Variants in SHISA6 observed in about 807,000 individuals in gnomAD.
The protein encoded by SHISA6 is protein shisa-6.
Under a neutral mutation model 47.9 loss-of-function variants are expected in SHISA6, and 22 were observed. The observed-to-expected ratio is 0.46, with a 90% CI of 0.33 to 0.66. The LOEUF (loss-of-function observed/expected upper bound fraction) is 0.66. Among genes scored for constraint, SHISA6 ranks in the 30% least tolerant of loss-of-function variants. SHISA6 has a pLI of 0.02. For missense variants in SHISA6, 680 were observed against 764.6 expected, an observed-to-expected ratio of 0.89 and a Z score of 1.30; for synonymous variants, 388 against 337.8, an observed-to-expected ratio of 1.15 and a Z score of -1.63.
At chr17:11,485,776 A>T (rs1302666502) in intron 3 of SHISA6, among the ~76,000 whole-genome samples, 4 of 149,838 alleles carry the variant, frequency 2.7e-5, no homozygotes, top group East Asian at 2.0e-4. Context: ...TTTTTTTTTT[A>T]AATCACTCCT....
At chr17:11,552,100 AG>A (rs1440027423) in intron 4 of SHISA6, 148 bp downstream of exon 4, 4 of 758,608 alleles carry the variant, frequency 5.3e-6, no homozygotes, top group Admixed American at 2.5e-5. Context: ...GCCCTCCTCC[AG>A]GGCCACAATG....
chr17:11,506,253 T>C, intron 3 of SHISA6, among the ~76,000 whole-genome samples: 1 of 152,198 alleles, frequency 6.6e-6, no homozygotes, highest in Non-Finnish European at 1.5e-5. Flanking sequence ...CCTGCATCTC[T>C]TCTTCTTTTG....
Position 11,555,785 on chromosome 17 carries a change from A to G in SHISA6, c.998A>G (p.Tyr333Cys), listed in dbSNP as rs1219730038. 3 of 1,551,588 alleles carry G rather than the reference A, an allele frequency of 1.9e-6. No individual in the cohort carries two copies. The highest frequency in any genetic ancestry group is 2.4e-5 in the South Asian group (2 of 83,972). The change falls in exon 5 of 6, where the codon TAT becomes TGT. Residue 333 changes from tyrosine (Y) to cysteine (C), a missense_variant. By Grantham distance (194) the Tyr-to-Cys change is radical. Coordinates refer to ENST00000441885, the MANE Select transcript of SHISA6 (RefSeq NM_207386.4). Reference sequence around the variant, plus strand: ...ATCCTGACATCAGCCACCGAGCCCTATGACCTCTCCTTCTCCCGCTCGTTC... The same window carrying G: ...ATCCTGACATCAGCCACCGAGCCCTGTGACCTCTCCTTCTCCCGCTCGTTC... ...NNILTSATEPYDLSFSRSFQN... is the reference protein window; with the variant it reads ...NNILTSATEPCDLSFSRSFQN...
Position 11,430,240 on chromosome 17 carries a change from T to G in SHISA6, c.895+50731T>G, listed in dbSNP as rs192489250. Among the ~76,000 whole-genome samples the G allele has an allele frequency of 1.2e-3, 187 of 152,258 alleles. 3 individuals are homozygous for G. Among genetic ancestry groups the G allele is most frequent in the Admixed American group, 0.012 (179 of 15,294 alleles). On this transcript the variant is annotated intron_variant, in intron 3 of 5. Transcript: ENST00000441885. ...GTTTCTGGTTCTCCCCACTCTTGAG[T>G]CCATAGGAGAACTGCAGTTTCTGGC...
chr17:11,474,801 G>C (rs1234169813), intron 3 of SHISA6, among the ~76,000 whole-genome samples: 3 of 150,864 alleles, frequency 2.0e-5, no homozygotes, highest in African/African-American at 7.3e-5. Flanking sequence ...TTCTACTTCA[G>C]TACTGTGTTG....
intron 2 of SHISA6, among the ~76,000 whole-genome samples, chr17:11,346,120 C>T (rs1248276257): frequency 6.6e-6 from 1 of 151,902 alleles, no homozygotes; most frequent in Non-Finnish European, 1.5e-5. Context: ...GAGGATGTTC[C>T]CATCTGTCTC....
At chr17:11,379,702 G>A in intron 3 of SHISA6, 193 bp downstream of exon 3, 1 of 454,120 alleles carries the variant, frequency 2.2e-6, no homozygotes, top group Non-Finnish European at 3.9e-6. Context: ...ACTTTAGAGG[G>A]CGATAGACTT....
chr17:11,323,720 G>A (rs1276334013), intron 2 of SHISA6, among the ~76,000 whole-genome samples: 3 of 151,538 alleles, frequency 2.0e-5, no homozygotes, highest in African/African-American at 4.9e-5. Context: ...TTGTGGTCGA[G>A]CTGGGACTTC....
At chr17:11,353,442 C>G (rs1911966289) in intron 2 of SHISA6, among the ~76,000 whole-genome samples, 1 of 146,462 alleles carries the variant, frequency 6.8e-6, no homozygotes, top group Non-Finnish European at 1.5e-5. Context: ...GGCAACAGAG[C>G]AAGACTCCGT....
chr17:11,268,322 A>T (rs1401461083), intron 2 of SHISA6, among the ~76,000 whole-genome samples: 1 of 152,136 alleles, frequency 6.6e-6, no homozygotes, highest in African/African-American at 2.4e-5. Context: ...TGGAGGCTGC[A>T]CAGGTGGCAG....
intron 2 of SHISA6, among the ~76,000 whole-genome samples, chr17:11,329,852 TTC>T (rs1283235097): frequency 6.6e-6 from 1 of 152,074 alleles, no homozygotes; most frequent in Non-Finnish European, 1.5e-5. Context: ...GTGTAATGTG[TTC>T]AAGCGCACCT....
intron 3 of SHISA6, among the ~76,000 whole-genome samples, chr17:11,485,204 ACT>A (rs1320519658): frequency 6.6e-6 from 1 of 151,850 alleles, no homozygotes; most frequent in Non-Finnish European, 1.5e-5. Context: ...AGGGAAAGAG[ACT>A]CTAGAGAAGG....
intron 2 of SHISA6, among the ~76,000 whole-genome samples, chr17:11,357,765 C>T (rs1389961767): frequency 6.6e-6 from 1 of 152,194 alleles, no homozygotes; most frequent in Non-Finnish European, 1.5e-5. Context: ...AATCGCTGCA[C>T]ATAAATCTAC....
At chr17:11,438,924 AG>A (rs1399489806) in intron 3 of SHISA6, among the ~76,000 whole-genome samples, 1 of 152,114 alleles carries the variant, frequency 6.6e-6, no homozygotes, top group African/African-American at 2.4e-5. Context: ...AGCAAGTCTC[AG>A]GGGAGACTGG....
At chr17:11,376,802 A>G (rs573267130) in intron 2 of SHISA6, among the ~76,000 whole-genome samples, 10 of 152,312 alleles carry the variant, frequency 6.6e-5, no homozygotes, top group African/African-American at 2.2e-4. Context: ...ACCTAAGAGC[A>G]TTATTAGCAT....
chr17:11,304,030 C>T (rs1190599048), intron 2 of SHISA6, among the ~76,000 whole-genome samples: 1 of 152,176 alleles, frequency 6.6e-6, no homozygotes, highest in South Asian at 2.1e-4. Context: ...TGTTTCTGCA[C>T]AGACGAATGG....
At chr17:11,552,818 A>G (rs906594626) in intron 4 of SHISA6, among the ~76,000 whole-genome samples, 1 of 152,238 alleles carries the variant, frequency 6.6e-6, no homozygotes, top group Non-Finnish European at 1.5e-5. Flanking sequence ...ATAAATGATG[A>G]AAGCAATAGT....
At chr17:11,311,752 A>G (rs935570248) in intron 2 of SHISA6, among the ~76,000 whole-genome samples, 1 of 151,962 alleles carries the variant, frequency 6.6e-6, no homozygotes, top group African/African-American at 2.4e-5. Flanking sequence ...AGCTAGCTAG[A>G]TATTTAGATT....
At chr17:11,425,306 G>A (rs1040682492) in intron 3 of SHISA6, among the ~76,000 whole-genome samples, 7 of 151,828 alleles carry the variant, frequency 4.6e-5, no homozygotes, top group African/African-American at 1.7e-4. Flanking sequence ...ATTTTAGTGG[G>A]AGGGGGTGAC....
Sources: allele counts gnomAD v4.1 joint callset (sites outside exome capture counted in the v4.1 genomes callset), GRCh38; gene constraint gnomAD v4.1.1; transcripts MANE v1.5; gene names NCBI Gene and HGNC (gene_info 2026-07-23, HGNC 2026-07-21).